The following KDM1A variants were observed in gnomAD, a reference collection of about 807,000 sequenced individuals.
KDM1A encodes lysine-specific histone demethylase 1A.
KDM1A carries 49 observed loss-of-function variants against 109.4 expected under a neutral mutation model. That is an observed-to-expected ratio of 0.45 (90% confidence interval 0.36 to 0.57). KDM1A has a LOEUF of 0.57. KDM1A is among the 20% of genes least tolerant of loss of function. The pLI is 0.00. For missense variants in KDM1A, 668 were observed against 1,116.6 expected, an observed-to-expected ratio of 0.60 and a Z score of 5.73; for synonymous variants, 380 against 415.4, an observed-to-expected ratio of 0.91 and a Z score of 1.04.
At chr1:23,051,000 G>A (rs1032443543) in intron 4 of KDM1A, among the ~76,000 whole-genome samples, 2 of 152,088 alleles carry the variant, frequency 1.3e-5, no homozygotes, top group South Asian at 2.1e-4. Flanking sequence ...CAGGAGAATC[G>A]CTTGAACCTA....
intron 12 of KDM1A, 91 bp from the exon 13 acceptor site, chr1:23,071,134 G>T: frequency 1.0e-6 from 1 of 983,012 alleles, no homozygotes; most frequent in Admixed American, 2.5e-5. Context: ...TGTTGGGATA[G>T]CAGTTTTGAG....
chr1:23,073,090 C>T (rs779596735), intron 14 of KDM1A, among the ~76,000 whole-genome samples: 17 of 150,880 alleles, frequency 1.1e-4, no homozygotes, highest in African/African-American at 2.4e-4. Context: ...ATTTGCTTTA[C>T]GTAGTGAGCT....
At chr1:23,028,047 A>G (rs879313154) in intron 1 of KDM1A, among the ~76,000 whole-genome samples, 7 of 152,188 alleles carry the variant, frequency 4.6e-5, no homozygotes, top group South Asian at 2.1e-4. Flanking sequence ...AACCCTTTCT[A>G]GACCACCCTT....
chr1:23,054,925 C>T, intron 5 of KDM1A, 144 bp from the exon 6 acceptor site: 6 of 583,630 alleles, frequency 1.0e-5, no homozygotes, highest in Non-Finnish European at 1.8e-5. Context: ...CCGTGCCCAG[C>T]CTTAGAATTA....
chr1:23,075,898 G>C (rs1643450616), intron 15 of KDM1A, among the ~76,000 whole-genome samples: 1 of 151,974 alleles, frequency 6.6e-6, no homozygotes, highest in Non-Finnish European at 1.5e-5. Context: ...AGTGAGCCGA[G>C]ATCACGCCAC....
intron 1 of KDM1A, among the ~76,000 whole-genome samples, chr1:23,022,520 A>G (rs1641668163): frequency 6.6e-6 from 1 of 151,120 alleles, no homozygotes; most frequent in African/African-American, 2.4e-5. Flanking sequence ...TTGTGTTTTT[A>G]GTAGAGATGG....
Position 23,030,641 on chromosome 1 carries a change from T to G in KDM1A, c.517+7T>G. ...GAGCCTGAAGAACCATCGGGTGAGT[T>G]GTAGTATCCAACCACAGTTCTGTTT... is the stretch of plus-strand genomic sequence containing the variant. On this transcript the variant is annotated splice_region_variant and intron_variant, in intron 2 of 20. Transcript: ENST00000400181. 2 of 1,531,500 alleles carry G rather than the reference T, an allele frequency of 1.3e-6. No homozygotes were observed. Among genetic ancestry groups the G allele is most frequent in the Non-Finnish European group, 8.7e-7 (1 of 1,146,334 alleles). The allele number at this position is 1,531,500 out of a possible 1,614,324, so 94.9% of individuals were successfully genotyped here.
At chr1:23,078,503 C>A (rs1437071115) in intron 16 of KDM1A, among the ~76,000 whole-genome samples, 1 of 152,206 alleles carries the variant, frequency 6.6e-6, no homozygotes, top group Non-Finnish European at 1.5e-5. Context: ...CTGAGAATCA[C>A]TGTGCATTCT....
intron 12 of KDM1A, among the ~76,000 whole-genome samples, chr1:23,071,000 CAGAT>C (rs1643302546): frequency 6.6e-6 from 1 of 152,140 alleles, no homozygotes; most frequent in Non-Finnish European, 1.5e-5. Flanking sequence ...TCTTACTTAT[CAGAT>C]AGAGTTGTGG....
intron 2 of KDM1A, among the ~76,000 whole-genome samples, chr1:23,032,580 T>G (rs1249901525): frequency 2.0e-5 from 3 of 152,174 alleles, no homozygotes; most frequent in African/African-American, 7.2e-5. Flanking sequence ...CAGAACTTAC[T>G]AATATATTAT....
rs1045020890 is a variant in KDM1A, at chr1:23,079,866, C to T, written c.2170+199C>T. 2.6e-5 allele frequency among the ~76,000 whole-genome samples: 4 copies of T among 152,064 alleles called. No homozygotes were observed. Among genetic ancestry groups the T allele is most frequent in the Non-Finnish European group, 5.9e-5 (4 of 68,002 alleles). On this transcript the variant is annotated intron_variant, in intron 18 of 20. Transcript: ENST00000400181. The surrounding 1 kb of genome is among the most constrained non-coding windows in gnomAD (Gnocchi z 5.6). Reference sequence around the variant, plus strand: ...CCCAACTTAGTGGGGATACAGTAAGCGGGGAAGCAGGCTTAGAACAGGGCA... The same window carrying T: ...CCCAACTTAGTGGGGATACAGTAAGTGGGGAAGCAGGCTTAGAACAGGGCA...
intron 3 of KDM1A, among the ~76,000 whole-genome samples, chr1:23,048,530 G>T (rs1463021297): frequency 1.3e-5 from 2 of 152,108 alleles, no homozygotes; most frequent in African/African-American, 4.8e-5. Flanking sequence ...AGTAATGTGA[G>T]ACACAATGTT....
chr1:23,076,729 T>C (rs1048414789), intron 15 of KDM1A, among the ~76,000 whole-genome samples: 2 of 152,022 alleles, frequency 1.3e-5, no homozygotes, highest in Non-Finnish European at 2.9e-5. Context: ...ACCAGCACTT[T>C]AGGAGGCTGA....
intron 3 of KDM1A, among the ~76,000 whole-genome samples, chr1:23,045,040 A>C (rs989488554): frequency 1.3e-5 from 2 of 152,204 alleles, no homozygotes; most frequent in African/African-American, 4.8e-5. Flanking sequence ...ATGTCTTTTG[A>C]AAAGTCTGAA....
chr1:23,071,458 A>G (rs1643318162), intron 13 of KDM1A, 99 bp downstream of exon 13: 5 of 1,118,870 alleles, frequency 4.5e-6, no homozygotes, highest in African/African-American at 1.6e-5. Context: ...GCCAATCACA[A>G]GTGCCTTCAG....
intron 9 of KDM1A, among the ~76,000 whole-genome samples, chr1:23,063,221 G>GGGGT (rs1557569838): frequency 3.3e-5 from 3 of 90,996 alleles, no homozygotes; most frequent in South Asian, 3.6e-4. Flanking sequence ...GTGTGGGGTG[G>GGGGT]GTGTGTGTGG....
chr1:23,056,148 G>A (rs1315889600), intron 7 of KDM1A, 110 bp downstream of exon 7: 1 of 696,318 alleles, frequency 1.4e-6, no homozygotes, highest in Non-Finnish European at 2.5e-6. Context: ...AAATTGATTT[G>A]TATAATACTC....
intron 10 of KDM1A, among the ~76,000 whole-genome samples, chr1:23,066,962 A>G (rs1193163662): frequency 1.3e-5 from 2 of 152,206 alleles, no homozygotes; most frequent in Non-Finnish European, 2.9e-5. Context: ...TTCCTGACCA[A>G]AGGGTCTCTT....
rs142615467 is a variant in KDM1A at position 23,031,075 on chromosome 1, C to A, written c.517+441C>A. On this transcript the variant is annotated intron_variant, in intron 2 of 20. Transcript: ENST00000400181. ...AGTTAGATACTTTCTGATAAAACTT[C>A]CACGGTGTGGATCGGTTTTGAGAAG... is the stretch of plus-strand genomic sequence containing the variant. Among the ~76,000 whole-genome samples the A allele has an allele frequency of 3.2e-3, 483 of 152,324 alleles. 2 individuals carry two copies. Among genetic ancestry groups the A allele is most frequent in the African/African-American group, 0.011 (466 of 41,570 alleles).
Sources: gnomAD v4.1 joint callset for allele counts (sites outside exome capture counted in the v4.1 genomes callset) on GRCh38, gnomAD v4.1.1 for gene constraint, Gnocchi (gnomAD v3.1) non-coding constraint, MANE v1.5 for transcripts, NCBI Gene and HGNC (gene_info 2026-07-23, HGNC 2026-07-21) for gene names.